Variants in DLG2 observed in about 807,000 individuals in gnomAD.
DLG2 encodes the protein disks large homolog 2.
DLG2 carries 45 observed loss-of-function variants against 132.5 expected under a neutral mutation model. The ratio of observed to expected loss-of-function variants is 0.34; its 90% CI spans 0.27 to 0.44. The LOEUF is 0.44. DLG2 is among the 20% of genes least tolerant of loss of function. The probability of loss-of-function intolerance (pLI) is 1.00; values close to 1 mark genes in which losing one functional copy is unlikely to be tolerated. For synonymous variants in DLG2, 424 were observed against 419.6 expected (o/e 1.01, Z -0.13); for missense variants, 1,045 against 1,196.9 (o/e 0.87, Z 1.87).
At chr11:83,882,064 T>A (rs1371339254) in intron 15 of DLG2, among the ~76,000 whole-genome samples, 2 of 152,146 alleles carry the variant, frequency 1.3e-5, no homozygotes, top group Non-Finnish European at 2.9e-5. Flanking sequence ...AAAGTATGGA[T>A]GATGGATTAA....
intron 5 of DLG2, among the ~76,000 whole-genome samples, chr11:85,129,598 T>C (rs1332302763): frequency 1.3e-5 from 2 of 152,202 alleles, no homozygotes; most frequent in African/African-American, 4.8e-5. Context: ...AGGAACGCTT[T>C]TACACTGTTG....
intron 4 of DLG2, among the ~76,000 whole-genome samples, chr11:85,158,496 G>A (rs1388803845): frequency 1.3e-5 from 2 of 152,116 alleles, no homozygotes; most frequent in South Asian, 2.1e-4. Flanking sequence ...CCAGCTGGGA[G>A]GTCCAGACGA....
chr11:84,084,943 C>T (rs1206060313), intron 10 of DLG2, among the ~76,000 whole-genome samples: 1 of 152,128 alleles, frequency 6.6e-6, no homozygotes, highest in African/African-American at 2.4e-5. Context: ...CATATTGTAT[C>T]TGAAATTGAG....
chr11:85,070,475 G>A (rs349070), intron 6 of DLG2, among the ~76,000 whole-genome samples: 21,341 of 151,420 alleles, frequency 0.14, 1,676 homozygotes, highest in South Asian at 0.3. Context: ...AAACCTACTC[G>A]GTACATTCAG....
chr11:85,504,788 A>G (rs532352998), intron 3 of DLG2, among the ~76,000 whole-genome samples: 65 of 152,280 alleles, frequency 4.3e-4, no homozygotes, highest in African/African-American at 1.5e-3. Context: ...CATTGAATCT[A>G]TAAATTACCT....
rs2096068566 is a variant in DLG2, at chr11:83,541,577, A to T, written c.2117+105T>A. ...TTCCTGCAGATTGACTATCCCATTT[A>T]AATAAATTTAATTTTGTGAACAGTT... On this transcript the variant is annotated intron_variant, in intron 20 of 27. Transcript: ENST00000376104. 14 of 1,037,266 alleles carry T rather than the reference A, an allele frequency of 1.3e-5. 1 individual carries two copies. In the South Asian group the frequency reaches 2.7e-4, roughly 20 times the overall value. 64.3% of individuals were successfully genotyped at this position (1,037,266 alleles called of 1,614,324 possible).
In DLG2 at chr11:85,317,768, G is replaced by A. The variant is rs181279337; in HGVS notation, c.41-32403C>T. On this transcript the variant is annotated intron_variant, in intron 3 of 27. Transcript: ENST00000376104. ...ACTGGGGCCTATTGGAGGATGAAGG[G>A]TAGGAGGAGGGAAAGGATGGAGAAA... Among the ~76,000 whole-genome samples, 6 of 152,046 alleles carry A rather than the reference G, an allele frequency of 3.9e-5. No homozygotes were observed. In the East Asian group the frequency reaches 1.2e-3, roughly 29 times the overall value.
intron 21 of DLG2, among the ~76,000 whole-genome samples, chr11:83,499,631 T>G (rs1294513352): frequency 1.3e-4 from 20 of 151,054 alleles, no homozygotes; most frequent in Non-Finnish European, 4.4e-5. Flanking sequence ...TATTGCCTCC[T>G]TATAAGGTAA....
At chr11:84,893,664 G>T (rs1018138261) in intron 6 of DLG2, among the ~76,000 whole-genome samples, 2 of 152,038 alleles carry the variant, frequency 1.3e-5, no homozygotes, top group East Asian at 1.9e-4. Context: ...ATTCAGTGAC[G>T]GTTTGTTAGC....
chr11:85,191,143 TGC>T (rs201015532), intron 4 of DLG2, among the ~76,000 whole-genome samples: 152 of 141,288 alleles, frequency 1.1e-3, no homozygotes, highest in South Asian at 3.9e-3. Context: ...TCTATATGCA[TGC>T]GCGCGCGCGC....
At chr11:84,246,694 G>A (rs1471873828) in intron 8 of DLG2, among the ~76,000 whole-genome samples, 8 of 152,164 alleles carry the variant, frequency 5.3e-5, no homozygotes, top group African/African-American at 1.9e-4. Context: ...TATGGCCACA[G>A]TGCCTGATAG....
chr11:84,745,201 C>G (rs949250966), intron 6 of DLG2, among the ~76,000 whole-genome samples: 3 of 152,132 alleles, frequency 2.0e-5, no homozygotes, highest in African/African-American at 7.2e-5. Context: ...TCTGTGTCTG[C>G]TCCCAAATCT....
chr11:83,830,883 G>C (rs1219417800), intron 17 of DLG2, among the ~76,000 whole-genome samples: 1 of 152,162 alleles, frequency 6.6e-6, no homozygotes, highest in Non-Finnish European at 1.5e-5. Context: ...CTTTGTGTCT[G>C]GGAACATTTA....
intron 2 of DLG2, among the ~76,000 whole-genome samples, chr11:85,623,988 T>C (rs539190146): frequency 6.6e-6 from 1 of 152,232 alleles, no homozygotes; most frequent in East Asian, 1.9e-4. Flanking sequence ...TCCAAGATTG[T>C]CCCAAGGGCT....
At chr11:84,934,525 G>GTTT (rs757894179) in intron 6 of DLG2, among the ~76,000 whole-genome samples, 40 of 38,644 alleles carry the variant, frequency 1.0e-3, no homozygotes, top group Non-Finnish European at 1.5e-3. Context: ...GTTTTGTTTT[G>GTTT]TTTTTTTTTT....
chr11:85,110,100 G>C (rs2072462149), intron 6 of DLG2, among the ~76,000 whole-genome samples: 1 of 152,062 alleles, frequency 6.6e-6, no homozygotes, highest in Non-Finnish European at 1.5e-5. Flanking sequence ...TGGAGAAACA[G>C]ATGTAGGAAT....
rs151139101 is a variant in DLG2, at chr11:84,369,539, T to C, written c.520-118248A>G. On this transcript the variant is annotated intron_variant, in intron 7 of 27. Transcript: ENST00000376104. ...ATACAAAGCTTTTCTTGGGGGGAGATGGGGCGGGCAGACATACACACAAGG... is the reference window on the plus strand; with the variant it reads ...ATACAAAGCTTTTCTTGGGGGGAGACGGGGCGGGCAGACATACACACAAGG... 2.3e-3 allele frequency among the ~76,000 whole-genome samples: 352 copies of C among 152,140 alleles called. 2 individuals carry two copies. The highest frequency in any genetic ancestry group is 6.9e-3 in the African/African-American group (285 of 41,526).
intron 3 of DLG2, among the ~76,000 whole-genome samples, chr11:85,474,552 G>A (rs1449763970): frequency 6.6e-6 from 1 of 151,744 alleles, no homozygotes; most frequent in Non-Finnish European, 1.5e-5. Context: ...TAAAAACCCA[G>A]CCTATGAAAT....
chr11:84,853,362 A>G (rs1824645221), intron 6 of DLG2, among the ~76,000 whole-genome samples: 3 of 151,984 alleles, frequency 2.0e-5, no homozygotes, highest in Admixed American at 6.6e-5. Flanking sequence ...AATATTACTC[A>G]CTGGGGAACT....
Sources: gnomAD v4.1 joint callset for allele counts (sites outside exome capture counted in the v4.1 genomes callset) on GRCh38, gnomAD v4.1.1 for gene constraint, MANE v1.5 for transcripts, NCBI Gene and HGNC (gene_info 2026-07-23, HGNC 2026-07-21) for gene names.